Variants in CAMK1D observed in about 807,000 individuals in gnomAD.
CAMK1D encodes the protein calcium/calmodulin dependent protein kinase ID, also known as calcium/calmodulin-dependent protein kinase type 1D.
Under a neutral mutation model 47.7 loss-of-function variants are expected in CAMK1D, and 9 were observed. The ratio of observed to expected loss-of-function variants is 0.19; its 90% CI spans 0.11 to 0.33. CAMK1D has a LOEUF of 0.33. Ranked by LOEUF, CAMK1D falls within the 10% of genes least tolerant of loss-of-function variation. The pLI is 1.00. For missense variants in CAMK1D, 291 were observed against 488.7 expected (o/e 0.60, Z 3.81); for synonymous variants, 184 against 184.9 (o/e 0.99, Z 0.04).
intron 1 of CAMK1D, among the ~76,000 whole-genome samples, chr10:12,377,229 C>A (rs572911516): frequency 1.3e-5 from 2 of 152,168 alleles, no homozygotes; most frequent in East Asian, 3.9e-4. Context: ...TCCCAGTGTT[C>A]TGGCAAACAA....
intron 1 of CAMK1D, among the ~76,000 whole-genome samples, chr10:12,386,711 C>T (rs949145975): frequency 3.3e-5 from 5 of 152,048 alleles, no homozygotes; most frequent in South Asian, 2.1e-4. Context: ...TGTACATTCA[C>T]GATATTAACA....
intron 1 of CAMK1D, among the ~76,000 whole-genome samples, chr10:12,423,531 AAAGG>A (rs1233644102): frequency 1.3e-5 from 2 of 151,996 alleles, no homozygotes; most frequent in African/African-American, 4.8e-5. Context: ...AAAAAGAAAG[AAAGG>A]CCCCTTCAAT....
At position 12,831,959 on chromosome 10, in the gene CAMK1D, C is replaced by T. The variant is rs1408122671; in HGVS notation, c.*3072C>T. 6.6e-6 allele frequency: 1 copy of T among 152,204 alleles called. No individual in the cohort carries two copies. Among genetic ancestry groups the T allele is most frequent in the East Asian group, 1.9e-4 (1 of 5,190 alleles). The allele number at this position is 152,204 out of a possible 1,614,324, so 9.4% of individuals were successfully genotyped here. A position where few individuals can be genotyped will look rare whatever the true frequency, so the allele number is the denominator to read the frequency against. On this transcript the variant is annotated 3_prime_UTR_variant, in exon 11 of 11. Coordinates refer to ENST00000619168, the MANE Select transcript of CAMK1D (RefSeq NM_153498.4). ...CTAGGACCCGCACCAAGGTCAGAGTCCACCTGTAGAGGCTGAGCATTTCTA... is the reference window on the plus strand; with the variant it reads ...CTAGGACCCGCACCAAGGTCAGAGTTCACCTGTAGAGGCTGAGCATTTCTA...
intron 2 of CAMK1D, among the ~76,000 whole-genome samples, chr10:12,657,666 G>A (rs780123860): frequency 1.3e-5 from 2 of 152,164 alleles, no homozygotes; most frequent in Admixed American, 6.5e-5. Flanking sequence ...CAGATGAAGA[G>A]CCCCAGTTGA....
At chr10:12,636,353 T>C (rs1839510895) in intron 2 of CAMK1D, among the ~76,000 whole-genome samples, 1 of 152,166 alleles carries the variant, frequency 6.6e-6, no homozygotes, top group Non-Finnish European at 1.5e-5. Context: ...GTTGAGACGG[T>C]ATTTTGCTTT....
intron 1 of CAMK1D, among the ~76,000 whole-genome samples, chr10:12,535,155 T>C (rs1222763228): frequency 6.6e-6 from 1 of 152,114 alleles, no homozygotes; most frequent in Non-Finnish European, 1.5e-5. Flanking sequence ...CCTGCTTGCT[T>C]TTCCCGTGGG....
intron 3 of CAMK1D, among the ~76,000 whole-genome samples, chr10:12,749,138 G>T (rs755485663): frequency 5.9e-5 from 9 of 152,122 alleles, no homozygotes; most frequent in Non-Finnish European, 1.2e-4. Context: ...CCTAAATTTG[G>T]GGCGTGATGC....
chr10:12,373,688 A>T (rs1309344242), intron 1 of CAMK1D, among the ~76,000 whole-genome samples: 4 of 152,040 alleles, frequency 2.6e-5, no homozygotes, highest in Non-Finnish European at 5.9e-5. Flanking sequence ...CCCTATGAAC[A>T]TCTAAAACAC....
chr10:12,466,090 G>A (rs1223659339), intron 1 of CAMK1D, among the ~76,000 whole-genome samples: 5 of 152,088 alleles, frequency 3.3e-5, no homozygotes, highest in Non-Finnish European at 7.4e-5. Context: ...GGTTGAGGAA[G>A]GAAGATCTCT....
chr10:12,667,357 C>T (rs1030687457), intron 3 of CAMK1D, among the ~76,000 whole-genome samples: 1 of 152,222 alleles, frequency 6.6e-6, no homozygotes, highest in African/African-American at 2.4e-5. Context: ...ACATTATCCC[C>T]CTCATTAGAT....
At chr10:12,736,469 C>T (rs1207203990) in intron 3 of CAMK1D, among the ~76,000 whole-genome samples, 1 of 152,096 alleles carries the variant, frequency 6.6e-6, no homozygotes, top group Non-Finnish European at 1.5e-5. Flanking sequence ...TTTTTTAAAG[C>T]AATTTATTTC....
chr10:12,411,726 G>A (rs144155389), intron 1 of CAMK1D, among the ~76,000 whole-genome samples: 1,889 of 151,834 alleles, frequency 0.012, 37 homozygotes, highest in African/African-American at 0.043. Flanking sequence ...AGCCTCCCGA[G>A]TAGCTGGGAT....
intron 3 of CAMK1D, among the ~76,000 whole-genome samples, chr10:12,752,679 G>A (rs1836043140): frequency 6.6e-6 from 1 of 152,152 alleles, no homozygotes; most frequent in African/African-American, 2.4e-5. Flanking sequence ...TCATAGAATC[G>A]GGGTCCTATC....
At chr10:12,811,855 A>G (rs1344338826) in intron 6 of CAMK1D, among the ~76,000 whole-genome samples, 1 of 152,226 alleles carries the variant, frequency 6.6e-6, no homozygotes, top group Non-Finnish European at 1.5e-5. Flanking sequence ...TCGTGGGAGA[A>G]ATGGACAGAC....
intron 3 of CAMK1D, among the ~76,000 whole-genome samples, chr10:12,725,571 A>G (rs570800324): frequency 3.9e-5 from 6 of 152,346 alleles, no homozygotes; most frequent in African/African-American, 1.2e-4. Flanking sequence ...TTAAAAAGTC[A>G]TAAGTACCCA....
intron 1 of CAMK1D, among the ~76,000 whole-genome samples, chr10:12,495,237 C>T (rs1175352619): frequency 6.6e-6 from 1 of 152,116 alleles, no homozygotes; most frequent in Non-Finnish European, 1.5e-5. Flanking sequence ...ACCATTTGTG[C>T]AAAAGGAAAA....
chr10:12,364,327 C>T (rs556033410), intron 1 of CAMK1D, among the ~76,000 whole-genome samples: 2 of 150,188 alleles, frequency 1.3e-5, no homozygotes, highest in East Asian at 3.9e-4. Context: ...CTGCAACCTC[C>T]GCCTTCTGGG....
chr10:12,363,033 C>T (rs1171785418), intron 1 of CAMK1D, among the ~76,000 whole-genome samples: 4 of 151,634 alleles, frequency 2.6e-5, no homozygotes, highest in Non-Finnish European at 4.4e-5. Context: ...CTCTTCCTCC[C>T]GGGTACAAGC....
At position 12,398,996 on chromosome 10, in the gene CAMK1D, ATTAT is replaced by A. The variant is rs1295370949; in HGVS notation, c.92+49092_92+49095del. Among the ~76,000 whole-genome samples the A allele has an allele frequency of 7.2e-5, 11 of 152,224 alleles. 1 individual carries two copies. In the East Asian group the frequency reaches 1.5e-3, roughly 21 times the overall value. On this transcript the variant is annotated intron_variant, in intron 1 of 10. Transcript: ENST00000619168. Reference sequence around the variant, plus strand: ...GGACTCTTGCCGATTTCTGTGTCACATTATTTATTCTGCCTGCATCACAGTTGCT... The same window carrying A: ...GGACTCTTGCCGATTTCTGTGTCACATTATTCTGCCTGCATCACAGTTGCT...
Sources: allele counts gnomAD v4.1 joint callset (sites outside exome capture counted in the v4.1 genomes callset), GRCh38; gene constraint gnomAD v4.1.1; transcripts MANE v1.5; gene names NCBI Gene and HGNC (gene_info 2026-07-23, HGNC 2026-07-21).